Variants in ANO3 observed in about 807,000 individuals in gnomAD.
ANO3 encodes anoctamin-3.
ANO3 carries 99 observed loss-of-function variants against 144.8 expected under a neutral mutation model. The observed-to-expected ratio is 0.68, with a 90% CI of 0.58 to 0.81. The LOEUF (loss-of-function observed/expected upper bound fraction) is 0.81. Among genes scored for constraint, ANO3 ranks in the 30% least tolerant of loss-of-function variants. ANO3 has a pLI of 0.00. For missense variants in ANO3, 905 were observed against 1,202.2 expected, an observed-to-expected ratio of 0.75 and a Z score of 3.66; for synonymous variants, 414 against 392.6, an observed-to-expected ratio of 1.05 and a Z score of -0.64.
chr11:26,346,280 A>G (rs750181305), intron 1 of ANO3, among the ~76,000 whole-genome samples: 4 of 152,194 alleles, frequency 2.6e-5, no homozygotes, highest in Non-Finnish European at 5.9e-5. Context: ...GTGGTTTAAG[A>G]AAAACAGTTA....
intron 14 of ANO3, among the ~76,000 whole-genome samples, chr11:26,591,620 A>AGAAC (rs1302885252): frequency 6.6e-6 from 1 of 152,322 alleles, no homozygotes; most frequent in South Asian, 2.1e-4. Flanking sequence ...CATTCTCCAT[A>AGAAC]GAACCTCTTG....
In ANO3 at chr11:26,534,488, G is replaced by A; in HGVS notation, c.902G>A (p.Ser301Asn). 4 of 1,612,732 alleles carry A rather than the reference G, an allele frequency of 2.5e-6. No homozygotes were observed. The highest frequency in any genetic ancestry group is 3.4e-6 in the Non-Finnish European group (4 of 1,179,190). The change falls in exon 9 of 27, where the codon AGC (serine) becomes AAC (asparagine). Residue 301 changes from serine (S) to asparagine (N), a missense_variant. By Grantham distance (46) the Ser-to-Asn change is conservative. This residue lies in a region of ANO3 where 597 missense variants were observed against 865.1 expected (regional missense o/e 0.69). Coordinates refer to ENST00000256737, the MANE Select transcript of ANO3 (RefSeq NM_031418.4). ...ATAAATAATAAAGACACCTTCTTCAGCAATGCTACTCGAAGCAGAATAGTC... is the reference window on the plus strand; with the variant it reads ...ATAAATAATAAAGACACCTTCTTCAACAATGCTACTCGAAGCAGAATAGTC... ...FIINNKDTFF[S>N]NATRSRIVYH... is the part of the protein sequence containing the mutation.
chr11:26,505,111 G>C (rs1861374519), intron 4 of ANO3, among the ~76,000 whole-genome samples: 1 of 150,792 alleles, frequency 6.6e-6, no homozygotes. Flanking sequence ...CTATGGTTTA[G>C]ACCAGAGTGG....
chr11:26,647,006 G>A (rs1249142589), intron 23 of ANO3, among the ~76,000 whole-genome samples: 2 of 152,058 alleles, frequency 1.3e-5, no homozygotes, highest in South Asian at 2.1e-4. Context: ...AAGAAAGTTG[G>A]CATGCTACAT....
upstream of ANO3, among the ~76,000 whole-genome samples, chr11:26,305,706 AG>A (rs1854365205): frequency 6.6e-6 from 1 of 152,142 alleles, no homozygotes; most frequent in African/African-American, 2.4e-5. Flanking sequence ...TTCATACAAG[AG>A]TTGAATCATT....
At chr11:26,552,048 T>C (rs1380800765) in intron 12 of ANO3, among the ~76,000 whole-genome samples, 2 of 152,028 alleles carry the variant, frequency 1.3e-5, no homozygotes. Context: ...AAACCTAAGC[T>C]TGGGGTCCCT....
chr11:26,380,371 A>G (rs1291513125), intron 1 of ANO3, among the ~76,000 whole-genome samples: 3 of 152,208 alleles, frequency 2.0e-5, no homozygotes, highest in Admixed American at 2.0e-4. Context: ...GTGTAAATGC[A>G]TTGATCTATT....
Position 26,550,942 on chromosome 11 carries a change from G to T in ANO3, c.1290-2307G>T, listed in dbSNP as rs573566967. 2.0e-5 allele frequency among the ~76,000 whole-genome samples: 3 copies of T among 152,016 alleles called. No individual in the cohort carries two copies. In the South Asian group the frequency reaches 6.2e-4, roughly 32 times the overall value. On this transcript the variant is annotated intron_variant, in intron 12 of 26. Coordinates refer to ENST00000256737, the MANE Select transcript of ANO3 (RefSeq NM_031418.4). ...TCTCACCAATACTTACTCTTTAAAA[G>T]AGTAGTAGCAATCCTAACAGGTGTG...
At chr11:26,334,450 T>C (rs1855141654) in intron 1 of ANO3, among the ~76,000 whole-genome samples, 1 of 152,234 alleles carries the variant, frequency 6.6e-6, no homozygotes, top group Non-Finnish European at 1.5e-5. Context: ...AGATGTGCTT[T>C]TCACCATAAA....
intron 17 of ANO3, among the ~76,000 whole-genome samples, chr11:26,617,657 G>A (rs529539029): frequency 1.3e-5 from 2 of 152,284 alleles, no homozygotes; most frequent in East Asian, 1.9e-4. Context: ...TGGAAGTGGA[G>A]TAGACCATAA....
chr11:26,304,216 C>A (rs142991992), intron 1 of ANO3, among the ~76,000 whole-genome samples: 1,586 of 151,946 alleles, frequency 0.01, 18 homozygotes, highest in South Asian at 0.024. Flanking sequence ...ATAGAGGAAG[C>A]TTTTTATTTA....
intron 4 of ANO3, among the ~76,000 whole-genome samples, chr11:26,476,951 G>T (rs61876916): frequency 6.8e-6 from 1 of 147,512 alleles, no homozygotes; most frequent in Non-Finnish European, 1.5e-5. Context: ...GAGAGAGAGA[G>T]ACTTTTAATA....
chr11:26,481,365 A>G (rs6484212), intron 4 of ANO3, among the ~76,000 whole-genome samples: 26,692 of 152,140 alleles, frequency 0.18, 2,595 homozygotes, highest in South Asian at 0.34. Flanking sequence ...TTTATCTAAT[A>G]CACTGTGTGA....
chr11:26,264,335 C>A (rs75600590), intron 1 of ANO3, among the ~76,000 whole-genome samples: 2,612 of 152,216 alleles, frequency 0.017, 69 homozygotes, highest in African/African-American at 0.06. Flanking sequence ...TACTATCAAA[C>A]CACATACTTA....
intron 1 of ANO3, among the ~76,000 whole-genome samples, chr11:26,359,983 ATGT>A (rs1464902359): frequency 6.6e-6 from 1 of 151,638 alleles, no homozygotes; most frequent in East Asian, 1.9e-4. Flanking sequence ...TTATATTTAT[ATGT>A]AAATTACAAA....
chr11:26,467,930 G>C (rs952352247), intron 4 of ANO3, among the ~76,000 whole-genome samples: 2 of 151,918 alleles, frequency 1.3e-5, no homozygotes, highest in African/African-American at 4.8e-5. Flanking sequence ...TGCAAGCAAA[G>C]TTCTAGAGCA....
chr11:26,537,002 T>C (rs1322392414), intron 9 of ANO3, among the ~76,000 whole-genome samples: 4 of 148,044 alleles, frequency 2.7e-5, no homozygotes, highest in African/African-American at 1.0e-4. Context: ...CCAATATCCT[T>C]TAAATTTTTT....
intron 17 of ANO3, among the ~76,000 whole-genome samples, chr11:26,599,988 G>T (rs987142272): frequency 1.3e-5 from 2 of 151,862 alleles, no homozygotes; most frequent in Non-Finnish European, 2.9e-5. Flanking sequence ...TTAGTATCTC[G>T]TGTGTGCTAG....
At chr11:26,209,511 T>C (rs969677444) in intron 1 of ANO3, among the ~76,000 whole-genome samples, 4 of 152,246 alleles carry the variant, frequency 2.6e-5, no homozygotes, top group Non-Finnish European at 5.9e-5. Context: ...ATATACCCAG[T>C]AATGGGATTG....
Sources: allele counts gnomAD v4.1 joint callset (sites outside exome capture counted in the v4.1 genomes callset), GRCh38; gene constraint gnomAD v4.1.1; regional missense constraint gnomAD v4.1.1; transcripts MANE v1.5; gene names NCBI Gene and HGNC (gene_info 2026-07-23, HGNC 2026-07-21).